Variants in JAZF1 observed in about 807,000 individuals in gnomAD.
JAZF1 encodes juxtaposed with another zinc finger protein 1.
JAZF1 carries 8 observed loss-of-function variants against 26.4 expected under a neutral mutation model. The ratio of observed to expected loss-of-function variants is 0.30; its 90% CI spans 0.18 to 0.55. The LOEUF is 0.55. Among genes scored for constraint, JAZF1 ranks in the 20% least tolerant of loss-of-function variants. The pLI is 0.94. For synonymous variants in JAZF1, 126 were observed against 122.3 expected (o/e 1.03, Z -0.20); for missense variants, 199 against 322.0 (o/e 0.62, Z 2.92).
intron 1 of JAZF1, among the ~76,000 whole-genome samples, chr7:28,090,292 T>C (rs1257779831): frequency 6.6e-6 from 1 of 152,230 alleles, no homozygotes. Context: ...ATCATCATCA[T>C]CACCTTCTTC....
chr7:28,103,708 C>T (rs1053108408), intron 1 of JAZF1, among the ~76,000 whole-genome samples: 17 of 152,128 alleles, frequency 1.1e-4, no homozygotes, highest in Non-Finnish European at 2.4e-4. Flanking sequence ...CTAAAATCTA[C>T]CCAGAACTCT....
At position 27,831,270 on chromosome 7, in the gene JAZF1, T is replaced by G. The variant is rs1391106175; in HGVS notation, c.*1530A>C. ...AGAACTGTCATCCTTTCAAAATGTCTGAAAATTGAGGAGGGACCCCTGCTT... is the reference window on the plus strand; with the variant it reads ...AGAACTGTCATCCTTTCAAAATGTCGGAAAATTGAGGAGGGACCCCTGCTT... On this transcript the variant is annotated 3_prime_UTR_variant, in exon 5 of 5. Transcript: ENST00000283928. 1 of 226,070 alleles carries G rather than the reference T, an allele frequency of 4.4e-6. No homozygotes were observed. Among genetic ancestry groups the G allele is most frequent in the Non-Finnish European group, 8.8e-6 (1 of 113,358 alleles). The allele number at this position is 226,070 out of a possible 1,614,324, so 14.0% of individuals were successfully genotyped here. A position where few individuals can be genotyped will look rare whatever the true frequency, so the allele number is the denominator to read the frequency against.
chr7:27,848,190 T>C (rs950580300), intron 3 of JAZF1, among the ~76,000 whole-genome samples: 1 of 152,246 alleles, frequency 6.6e-6, no homozygotes, highest in African/African-American at 2.4e-5. Context: ...TTCTGATCCA[T>C]GAGCAAGGGA....
chr7:27,882,192 T>C lies in JAZF1; in HGVS notation c.385+13028A>G, dbSNP rs191734153. On this transcript the variant is annotated intron_variant, in intron 3 of 4. Coordinates refer to ENST00000283928, the MANE Select transcript of JAZF1 (RefSeq NM_175061.4). ...TGGGGTACTGAGATAGAAAACACAGTACATCATGAGATCAGTAGATGTCAA... is the reference window on the plus strand; with the variant it reads ...TGGGGTACTGAGATAGAAAACACAGCACATCATGAGATCAGTAGATGTCAA... Among the ~76,000 whole-genome samples the C allele has an allele frequency of 1.0e-3, 152 of 152,214 alleles. 2 individuals are homozygous for C. The highest frequency in any genetic ancestry group is 9.6e-4 in the Non-Finnish European group (65 of 68,022).
chr7:28,119,952 C>A (rs1784811499), intron 1 of JAZF1, among the ~76,000 whole-genome samples: 1 of 152,118 alleles, frequency 6.6e-6, no homozygotes, highest in Admixed American at 6.5e-5. Flanking sequence ...TTCAATGATG[C>A]CTAACAAGCC....
chr7:27,838,008 CT>C lies in JAZF1; in HGVS notation c.555+2689del, dbSNP rs34890301. Among the ~76,000 whole-genome samples the C allele has an allele frequency of 2.9e-3, 411 of 143,564 alleles. 1 individual carries two copies. Among genetic ancestry groups the C allele is most frequent in the African/African-American group, 7.7e-3 (303 of 39,152 alleles). 94.2% of individuals were successfully genotyped at this position (143,564 alleles called of 152,430 possible). A position where few individuals can be genotyped will look rare whatever the true frequency, so the allele number is the denominator to read the frequency against. On this transcript the variant is annotated intron_variant, in intron 4 of 4. Coordinates refer to ENST00000283928, the MANE Select transcript of JAZF1 (RefSeq NM_175061.4). ...AATACACTAACAGGACTTTGTCTGC[CT>C]TTTTTTTTTTTTTCTTTTTTCCTTC...
At chr7:27,913,700 T>G (rs1008254427) in intron 2 of JAZF1, among the ~76,000 whole-genome samples, 1 of 152,198 alleles carries the variant, frequency 6.6e-6, no homozygotes, top group Non-Finnish European at 1.5e-5. Flanking sequence ...TCATTTCTCT[T>G]GCATTCAGGC....
chr7:27,895,212 C>T lies in JAZF1; in HGVS notation c.385+8G>A, dbSNP rs746345778. The T allele has an allele frequency of 1.9e-6, 3 of 1,582,624 alleles. No homozygotes were observed. Among genetic ancestry groups the T allele is most frequent in the Admixed American group, 1.8e-5 (1 of 57,022 alleles). ...TCCTTCTCAAGGCGGTAGGGCCAGG[C>T]CACTCACCTGTCGGAGTGCTGCTGC... is the stretch of plus-strand genomic sequence containing the variant. On this transcript the variant is annotated splice_region_variant and intron_variant, in intron 3 of 4. Coordinates refer to ENST00000283928, the MANE Select transcript of JAZF1 (RefSeq NM_175061.4).
At chr7:27,966,479 A>G (rs1391369577) in intron 2 of JAZF1, among the ~76,000 whole-genome samples, 1 of 152,214 alleles carries the variant, frequency 6.6e-6, no homozygotes, top group Non-Finnish European at 1.5e-5. Flanking sequence ...TGAGAAAAAC[A>G]CAATTCAAGG....
intron 1 of JAZF1, among the ~76,000 whole-genome samples, chr7:28,151,111 ATTT>A (rs57384411): frequency 0.41 from 58,309 of 143,706 alleles, 12,458 homozygotes; most frequent in Non-Finnish European, 0.51. Flanking sequence ...ATATATATAT[ATTT>A]TTTTTTTGAG....
chr7:27,968,754 C>T (rs1785321089), intron 2 of JAZF1, among the ~76,000 whole-genome samples: 1 of 152,128 alleles, frequency 6.6e-6, no homozygotes, highest in Non-Finnish European at 1.5e-5. Context: ...TTTCATCATA[C>T]TTATTTGGCC....
chr7:27,851,627 G>A (rs187351880), intron 3 of JAZF1, among the ~76,000 whole-genome samples: 13 of 152,250 alleles, frequency 8.5e-5, no homozygotes, highest in South Asian at 2.1e-4. Flanking sequence ...CCAGGAGGTC[G>A]AGGCTGCAGT....
At chr7:27,870,945 G>C (rs1319145987) in intron 3 of JAZF1, among the ~76,000 whole-genome samples, 2 of 152,158 alleles carry the variant, frequency 1.3e-5, no homozygotes, top group Non-Finnish European at 2.9e-5. Context: ...CTCCAGAGTA[G>C]TTAGCAATGC....
chr7:27,981,449 C>A (rs750553745), intron 2 of JAZF1, among the ~76,000 whole-genome samples: 131 of 152,166 alleles, frequency 8.6e-4, no homozygotes, highest in Non-Finnish European at 1.5e-3. Context: ...CATGTTTAGA[C>A]CACCTGGAGA....
Position 28,106,453 on chromosome 7 carries a change from A to G in JAZF1, c.115+74010T>C, listed in dbSNP as rs1478481604. The stretch of plus-strand genomic sequence containing the variant: ...AAATAGAACTCAAGTGTTACAAGAC[A>G]ACAGCGAGTTCTAGGGAGACACAGG... On this transcript the variant is annotated intron_variant, in intron 1 of 4. Transcript: ENST00000283928. Among the ~76,000 whole-genome samples, 7 of 152,330 alleles carry G rather than the reference A, an allele frequency of 4.6e-5. No homozygotes were observed. The East Asian group carries it at 1.2e-3, about 25-fold the overall frequency.
chr7:27,833,477 C>G (rs1158413298), intron 4 of JAZF1, among the ~76,000 whole-genome samples: 2 of 152,210 alleles, frequency 1.3e-5, no homozygotes, highest in African/African-American at 4.8e-5. Flanking sequence ...CAGTTCCCTA[C>G]CATGCCTTAA....
chr7:27,973,173 A>G (rs779780256), intron 2 of JAZF1, among the ~76,000 whole-genome samples: 1 of 152,110 alleles, frequency 6.6e-6, no homozygotes, highest in African/African-American at 2.4e-5. Context: ...ATTTGTACAC[A>G]ATTTTAAAAT....
intron 1 of JAZF1, among the ~76,000 whole-genome samples, chr7:28,146,864 G>GT (rs1185605463): frequency 0.012 from 1,617 of 135,402 alleles, 28 homozygotes; most frequent in African/African-American, 0.032. Flanking sequence ...GTTTTTTTTT[G>GT]TTTTTTTTTT....
intron 1 of JAZF1, among the ~76,000 whole-genome samples, chr7:28,013,315 T>C (rs1362042692): frequency 6.6e-6 from 1 of 152,188 alleles, no homozygotes; most frequent in East Asian, 1.9e-4. Flanking sequence ...GCCTGCTTGC[T>C]AAATACTAAT....
Sources: gnomAD v4.1 joint callset for allele counts (sites outside exome capture counted in the v4.1 genomes callset) on GRCh38, gnomAD v4.1.1 for gene constraint, MANE v1.5 for transcripts, NCBI Gene and HGNC (gene_info 2026-07-23, HGNC 2026-07-21) for gene names.